The following ZNF710 variants were observed in gnomAD, a reference collection of about 807,000 sequenced individuals.
ZNF710 encodes the protein zinc finger protein 710.
Under a neutral mutation model 50.6 loss-of-function variants are expected in ZNF710, and 13 were observed. The observed-to-expected ratio is 0.26, with a 90% confidence interval of 0.17 to 0.41. ZNF710 has a LOEUF of 0.41. Ranked by LOEUF, ZNF710 falls within the 10% of genes least tolerant of loss-of-function variation. The probability of loss-of-function intolerance (pLI) is 1.00; values close to 1 mark genes in which losing one functional copy is unlikely to be tolerated. For synonymous variants in ZNF710, 383 were observed against 397.0 expected (o/e 0.96, Z 0.42); for missense variants, 721 against 936.6 (o/e 0.77, Z 3.01).
At position 90,071,677 on chromosome 15, in the gene ZNF710, C is replaced by CTTTTTTTTT. The variant is rs201729973; in HGVS notation, c.1459-1393_1459-1392insTTTTTTTTT. Among the ~76,000 whole-genome samples, 4 of 127,256 alleles carry CTTTTTTTTT rather than the reference C, an allele frequency of 3.1e-5. 1 individual carries two copies. The highest frequency in any genetic ancestry group is 2.9e-5 in the African/African-American group (1 of 34,696). The allele number at this position is 127,256 out of a possible 152,430, so 83.5% of individuals were successfully genotyped here. On this transcript the variant is annotated intron_variant, in intron 2 of 4. Coordinates refer to ENST00000268154, the MANE Select transcript of ZNF710 (RefSeq NM_198526.4). ...AATTTCTTTTATTTATTTATTTTTACTCTTTTTTTTTTTTTTTTTGAGACG... is the reference window on the plus strand; with the variant it reads ...AATTTCTTTTATTTATTTATTTTTACTTTTTTTTTTCTTTTTTTTTTTTTTTTTGAGACG...
intron 1 of ZNF710, among the ~76,000 whole-genome samples, chr15:90,027,566 T>G (rs1898816531): frequency 6.6e-6 from 1 of 152,112 alleles, no homozygotes; most frequent in African/African-American, 2.4e-5. Context: ...AAAATCAAGA[T>G]TTAAATTTGA....
chr15:90,058,818 C>T (rs1034390430), intron 1 of ZNF710, among the ~76,000 whole-genome samples: 11 of 151,814 alleles, frequency 7.2e-5, no homozygotes, highest in Admixed American at 2.0e-4. Context: ...AGGGCAGACC[C>T]GGGGGCTGGA....
At chr15:90,018,065 A>T (rs1421367345) in intron 1 of ZNF710, among the ~76,000 whole-genome samples, 1 of 152,066 alleles carries the variant, frequency 6.6e-6, no homozygotes, top group East Asian at 1.9e-4. Context: ...TGTCTCCCCC[A>T]GAAAAACTTC....
At chr15:90,022,498 A>G (rs2151476478) in intron 1 of ZNF710, among the ~76,000 whole-genome samples, 1 of 152,338 alleles carries the variant, frequency 6.6e-6, no homozygotes, top group Non-Finnish European at 1.5e-5. Context: ...GGCTGCAGGT[A>G]TAGGTAGGGA....
At chr15:90,011,882 T>A (rs909471179) in intron 1 of ZNF710, among the ~76,000 whole-genome samples, 1 of 152,192 alleles carries the variant, frequency 6.6e-6, no homozygotes, top group African/African-American at 2.4e-5. Context: ...CAAGCGTCAT[T>A]CCACTGTCTT....
intron 1 of ZNF710, among the ~76,000 whole-genome samples, chr15:90,007,433 A>C (rs1158208489): frequency 2.0e-5 from 3 of 152,020 alleles, no homozygotes; most frequent in Non-Finnish European, 4.4e-5. Context: ...TTCAAGGGTC[A>C]GGGGTACTTG....
intron 1 of ZNF710, among the ~76,000 whole-genome samples, chr15:90,058,515 T>C (rs1417077129): frequency 6.6e-6 from 1 of 152,046 alleles, no homozygotes; most frequent in Non-Finnish European, 1.5e-5. Flanking sequence ...GTCAGTTTCC[T>C]TCTCTTCCCT....
At chr15:90,069,673 G>A (rs1900308974) in intron 2 of ZNF710, among the ~76,000 whole-genome samples, 1 of 152,150 alleles carries the variant, frequency 6.6e-6, no homozygotes, top group Non-Finnish European at 1.5e-5. Context: ...CAGAGAAGAT[G>A]TAAGGAAAAA....
At position 90,040,712 on chromosome 15, in the gene ZNF710, C is replaced by G. The variant is rs185505745; in HGVS notation, c.-28-26398C>G. Among the ~76,000 whole-genome samples, 1 of 151,854 alleles carries G rather than the reference C, an allele frequency of 6.6e-6. No individual in the cohort carries two copies. The highest frequency in any genetic ancestry group is 1.9e-4 in the East Asian group (1 of 5,138). On this transcript the variant is annotated intron_variant, in intron 1 of 4. Coordinates refer to ENST00000268154, the MANE Select transcript of ZNF710 (RefSeq NM_198526.4). This position sits in a 1 kb window ranked among gnomAD's most constrained non-coding sequence, Gnocchi z 4.6. ...AGCAGGCCCCGCCCCACCTCGCTCC[C>G]CAACTCCAGCCCTCCAGCCAGTTAA... is the stretch of plus-strand genomic sequence containing the variant.
chr15:90,035,481 G>A (rs746406548), intron 1 of ZNF710, among the ~76,000 whole-genome samples: 21 of 152,218 alleles, frequency 1.4e-4, no homozygotes, highest in African/African-American at 4.1e-4. Flanking sequence ...GCTGGCTTTC[G>A]GGCCTCAGCA....
upstream of ZNF710, among the ~76,000 whole-genome samples, chr15:89,999,044 C>T (rs1303504925): frequency 2.0e-5 from 3 of 152,216 alleles, no homozygotes; most frequent in Admixed American, 2.0e-4. Context: ...GCAGTAAACA[C>T]TTCAACTCTT....
At chr15:90,026,591 G>A (rs972473652) in intron 1 of ZNF710, among the ~76,000 whole-genome samples, 3 of 152,076 alleles carry the variant, frequency 2.0e-5, no homozygotes, top group African/African-American at 7.2e-5. Context: ...AGCAAAATAA[G>A]CCTGATATTA....
intron 1 of ZNF710, among the ~76,000 whole-genome samples, chr15:90,061,733 G>A (rs1434434928): frequency 2.0e-5 from 3 of 152,208 alleles, no homozygotes; most frequent in South Asian, 2.1e-4. Flanking sequence ...TGTGGGATGA[G>A]AGGAGGTGCT....
intron 1 of ZNF710, among the ~76,000 whole-genome samples, chr15:90,021,682 A>T (rs1265828085): frequency 6.6e-6 from 1 of 152,128 alleles, no homozygotes; most frequent in Non-Finnish European, 1.5e-5. Context: ...TAGATATTGG[A>T]TATAGACACA....
intron 1 of ZNF710, among the ~76,000 whole-genome samples, chr15:90,044,467 C>T (rs1301586948): frequency 3.9e-5 from 6 of 152,200 alleles, no homozygotes; most frequent in South Asian, 4.1e-4. Flanking sequence ...CAAGCTGGAC[C>T]GACAGCTGAG....
rs1160823595 is a variant in ZNF710 at position 90,040,832 on chromosome 15, G to A, written c.-28-26278G>A. Among the ~76,000 whole-genome samples, 6 of 151,976 alleles carry A rather than the reference G, an allele frequency of 3.9e-5. No homozygotes were observed. The highest frequency in any genetic ancestry group is 6.6e-5 in the Admixed American group (1 of 15,260). ...AGTGATTTCTTGATTTATCAATTTCGGACATTATCTTTTGCCTCCATATTG... is the reference window on the plus strand; with the variant it reads ...AGTGATTTCTTGATTTATCAATTTCAGACATTATCTTTTGCCTCCATATTG... On this transcript the variant is annotated intron_variant, in intron 1 of 4. Transcript: ENST00000268154. The surrounding 1 kb of genome is among the most constrained non-coding windows in gnomAD (Gnocchi z 4.6).
At position 90,080,842 on chromosome 15, in the gene ZNF710, A is replaced by C. The variant is rs1900704993; in HGVS notation, c.*1013A>C. 2 of 152,228 alleles carry C rather than the reference A, an allele frequency of 1.3e-5. No individual in the cohort carries two copies. Among genetic ancestry groups the C allele is most frequent in the Non-Finnish European group, 2.9e-5 (2 of 68,036 alleles). The allele number at this position is 152,228 out of a possible 1,614,324, so 9.4% of individuals were successfully genotyped here. On this transcript the variant is annotated 3_prime_UTR_variant, in exon 5 of 5. Coordinates refer to ENST00000268154, the MANE Select transcript of ZNF710 (RefSeq NM_198526.4). Reference sequence around the variant, plus strand: ...AGGGAAATCAAGGGTTTTTTTGAGCAAAGGGGGTCTTCTGAAGGTAACTTA... The same window carrying C: ...AGGGAAATCAAGGGTTTTTTTGAGCCAAGGGGGTCTTCTGAAGGTAACTTA...
At chr15:90,041,787 A>C (rs919091707) in intron 1 of ZNF710, among the ~76,000 whole-genome samples, 2 of 152,178 alleles carry the variant, frequency 1.3e-5, no homozygotes, top group African/African-American at 4.8e-5. Context: ...GTAGGTGCTC[A>C]ACAAATATTT....
intron 4 of ZNF710, among the ~76,000 whole-genome samples, chr15:90,078,001 A>G (rs1234839532): frequency 6.6e-6 from 1 of 152,104 alleles, no homozygotes; most frequent in Non-Finnish European, 1.5e-5. Flanking sequence ...TGAGATTGGG[A>G]GTTCAAGACC....
Sources: allele counts gnomAD v4.1 joint callset (sites outside exome capture counted in the v4.1 genomes callset), GRCh38; gene constraint gnomAD v4.1.1; non-coding constraint Gnocchi (gnomAD v3.1); transcripts MANE v1.5; gene names NCBI Gene and HGNC (gene_info 2026-07-23, HGNC 2026-07-21).